C1GALT1: variants seen among roughly 807,000 people sequenced by gnomAD.
The protein encoded by C1GALT1 is glycoprotein-N-acetylgalactosamine 3-beta-galactosyltransferase 1.
In C1GALT1, 11 loss-of-function variants were observed where a neutral mutation model predicts 31.0. The observed-to-expected ratio is 0.36, with a 90% CI of 0.22 to 0.59. The LOEUF is 0.59. C1GALT1 is among the 20% of genes least tolerant of loss of function. C1GALT1 has a pLI of 0.79. For missense variants in C1GALT1, 424 were observed against 425.2 expected (o/e 1.00, Z 0.03); for synonymous variants, 175 against 143.6 (o/e 1.22, Z -1.56).
intron 1 of C1GALT1, among the ~76,000 whole-genome samples, chr7:7,213,451 G>A (rs961005721): frequency 6.6e-6 from 1 of 152,176 alleles, no homozygotes; most frequent in Non-Finnish European, 1.5e-5. Flanking sequence ...ATAATTTAAA[G>A]AAGATTGGAC....
In C1GALT1 at chr7:7,243,753, A is replaced by G; in HGVS notation, c.*26A>G. On this transcript the variant is annotated 3_prime_UTR_variant, in exon 4 of 4. Coordinates refer to ENST00000436587, the MANE Select transcript of C1GALT1 (RefSeq NM_020156.5). ...AAGAAAATCATGAATGAACAAAGGT[A>G]ATATGTCTAGCACTGCACTGAAAAA... 1 of 1,531,602 alleles carries G rather than the reference A, an allele frequency of 6.5e-7. No homozygotes were observed. The highest frequency in any genetic ancestry group is 8.9e-7 in the Non-Finnish European group (1 of 1,121,392). The allele number at this position is 1,531,602 out of a possible 1,614,324, so 94.9% of individuals were successfully genotyped here.
At chr7:7,236,626 A>T (rs530817103) in intron 2 of C1GALT1, among the ~76,000 whole-genome samples, 1 of 152,048 alleles carries the variant, frequency 6.6e-6, no homozygotes, top group South Asian at 2.1e-4. Context: ...GGTTCAAGCA[A>T]TTCTCCTGCC....
intron 1 of C1GALT1, among the ~76,000 whole-genome samples, chr7:7,196,554 T>C (rs1781296989): frequency 6.6e-6 from 1 of 152,224 alleles, no homozygotes; most frequent in Admixed American, 6.5e-5. Flanking sequence ...AGCAGCATGA[T>C]TTGTAATCCT....
upstream of C1GALT1, among the ~76,000 whole-genome samples, chr7:7,182,137 AAG>A (rs1780607695): frequency 6.6e-6 from 1 of 152,104 alleles, no homozygotes; most frequent in African/African-American, 2.4e-5. Flanking sequence ...ATACTGAGTA[AAG>A]AGAGCACGGG....
chr7:7,169,510 T>C lies in C1GALT1; in HGVS notation c.-18+12084T>C, dbSNP rs141944920. Among the ~76,000 whole-genome samples the C allele has an allele frequency of 4.6e-5, 7 of 152,304 alleles. No individual in the cohort carries two copies. In the East Asian group the frequency reaches 1.2e-3, roughly 25 times the overall value. On this transcript the variant is annotated intron_variant, in intron 2 of 3. Transcript: ENST00000429911. The stretch of plus-strand genomic sequence containing the variant: ...ATGTTCCAATTTCTCCACATCCTTG[T>C]CAACACTTGTTATTTTCTGTTTGGA...
chr7:7,236,060 T>TG (rs1783325289), intron 2 of C1GALT1, among the ~76,000 whole-genome samples: 1 of 152,238 alleles, frequency 6.6e-6, no homozygotes, highest in South Asian at 2.1e-4. Flanking sequence ...CCTAGGTCCC[T>TG]ATCTACTGCT....
rs1055825873 is a variant in C1GALT1 at position 7,174,195 on chromosome 7, T to A, written c.-18+16769T>A. Reference sequence around the variant, plus strand: ...GGCTCCACCCTTAACTTGCACTACTTCCTTAGAGACCCCATCTCCAAATAC... The same window carrying A: ...GGCTCCACCCTTAACTTGCACTACTACCTTAGAGACCCCATCTCCAAATAC... On this transcript the variant is annotated intron_variant, in intron 2 of 3. Coordinates refer to the C1GALT1 transcript ENST00000429911. Among the ~76,000 whole-genome samples, 3 of 152,150 alleles carry A rather than the reference T, an allele frequency of 2.0e-5. No homozygotes were observed. The East Asian group carries it at 5.8e-4, about 29-fold the overall frequency.
chr7:7,157,386 C>G (rs191757974), exon 2 of C1GALT1: 38 of 152,428 alleles, frequency 2.5e-4, no homozygotes, highest in Middle Eastern at 3.4e-3. Context: ...CATTCTGAGG[C>G]TCATGGGGAT....
chr7:7,160,974 A>G (rs1780327164), intron 2 of C1GALT1, among the ~76,000 whole-genome samples: 1 of 152,270 alleles, frequency 6.6e-6, no homozygotes, highest in South Asian at 2.1e-4. Context: ...CAACTTAAAT[A>G]GAATTTATGC....
intron 1 of C1GALT1, among the ~76,000 whole-genome samples, chr7:7,219,392 TACCC>T (rs1782403296): frequency 7.4e-6 from 1 of 134,604 alleles, no homozygotes; most frequent in Non-Finnish European, 1.6e-5. Context: ...GAAACAAATG[TACCC>T]TCTGGTGAGG....
At chr7:7,191,381 A>G (rs1244160727) in intron 1 of C1GALT1, among the ~76,000 whole-genome samples, 1 of 152,094 alleles carries the variant, frequency 6.6e-6, no homozygotes, top group Non-Finnish European at 1.5e-5. Flanking sequence ...TTGTTCATTC[A>G]TCCTCAGTGA....
chr7:7,224,993 GTC>G (rs1782689354), intron 1 of C1GALT1, among the ~76,000 whole-genome samples: 1 of 151,956 alleles, frequency 6.6e-6, no homozygotes, highest in Non-Finnish European at 1.5e-5. Flanking sequence ...AGTTTCTGGT[GTC>G]TGTTATTCCC....
chr7:7,223,370 C>G (rs897024243), intron 1 of C1GALT1, among the ~76,000 whole-genome samples: 1 of 152,102 alleles, frequency 6.6e-6, no homozygotes, highest in Non-Finnish European at 1.5e-5. Context: ...TCCATGTTGG[C>G]CAGTCTGGTT....
chr7:7,228,731 G>A (rs1782923233), intron 1 of C1GALT1, among the ~76,000 whole-genome samples: 1 of 152,160 alleles, frequency 6.6e-6, no homozygotes, highest in Admixed American at 6.5e-5. Flanking sequence ...ATACTCTGGG[G>A]GAGAAGAGTA....
At chr7:7,218,975 A>T (rs1782382110) in intron 1 of C1GALT1, among the ~76,000 whole-genome samples, 1 of 151,934 alleles carries the variant, frequency 6.6e-6, no homozygotes, top group Non-Finnish European at 1.5e-5. Flanking sequence ...CTGGGACTAC[A>T]GGCGCCCGCC....
chr7:7,208,803 C>T (rs563141013), intron 1 of C1GALT1, among the ~76,000 whole-genome samples: 14 of 152,348 alleles, frequency 9.2e-5, no homozygotes, highest in East Asian at 3.9e-4. Flanking sequence ...TCCACAAACA[C>T]GTGCACAGTT....
At chr7:7,168,777 A>G (rs539792762) in intron 2 of C1GALT1, among the ~76,000 whole-genome samples, 4 of 152,368 alleles carry the variant, frequency 2.6e-5, no homozygotes, top group Admixed American at 2.0e-4. Context: ...GAAGCAATAC[A>G]TTTGCCTTTT....
intron 1 of C1GALT1, among the ~76,000 whole-genome samples, chr7:7,203,864 G>A (rs202139106): frequency 4.6e-5 from 5 of 108,470 alleles, no homozygotes; most frequent in African/African-American, 1.9e-4. Flanking sequence ...TATTATTATT[G>A]TTAATTATAG....
chr7:7,224,587 T>C (rs1782668434), intron 1 of C1GALT1, among the ~76,000 whole-genome samples: 1 of 152,168 alleles, frequency 6.6e-6, no homozygotes, highest in African/African-American at 2.4e-5. Context: ...TTTCAAGGAA[T>C]TGGTCCATTT....
Sources: allele counts gnomAD v4.1 joint callset (sites outside exome capture counted in the v4.1 genomes callset), GRCh38; gene constraint gnomAD v4.1.1; transcripts MANE v1.5; gene names NCBI Gene and HGNC (gene_info 2026-07-23, HGNC 2026-07-21).